The following CSNK2A2IP variants were observed in gnomAD, a reference collection of about 807,000 sequenced individuals.
The protein encoded by CSNK2A2IP is casein kinase 2 subunit alpha' interacting protein.
At chr3:88,401,642 A>G in the CSNK2A2IP span, among the ~76,000 whole-genome samples, 1 of 152,076 alleles carries the variant, frequency 6.6e-6, no homozygotes, top group Non-Finnish European at 1.5e-5. Flanking sequence ...CTAAATGGAG[A>G]GTTAATAAAA....
At chr3:88,396,606 T>C in the CSNK2A2IP span, among the ~76,000 whole-genome samples, 1 of 152,170 alleles carries the variant, frequency 6.6e-6, no homozygotes, top group African/African-American at 2.4e-5. Flanking sequence ...AGTGAGGTTA[T>C]GGTTCTGAGA....
At chr3:88,388,094 A>AT in the CSNK2A2IP span, among the ~76,000 whole-genome samples, 2 of 151,646 alleles carry the variant, frequency 1.3e-5, no homozygotes, top group South Asian at 2.1e-4. Flanking sequence ...AGAACTCTTT[A>AT]TTTTTTCTTT....
chr3:88,385,657 A>G, the CSNK2A2IP span, among the ~76,000 whole-genome samples: 1 of 152,212 alleles, frequency 6.6e-6, no homozygotes, highest in Non-Finnish European at 1.5e-5. Context: ...GAAAGGGAGA[A>G]ATTGGTAAAG....
the CSNK2A2IP span, among the ~76,000 whole-genome samples, chr3:88,418,386 TC>T: frequency 6.6e-6 from 1 of 152,130 alleles, no homozygotes; most frequent in African/African-American, 2.4e-5. Context: ...ATTAGGACTG[TC>T]TTTATGCTAC....
chr3:88,353,812 G>A, the CSNK2A2IP span, among the ~76,000 whole-genome samples: 1 of 152,120 alleles, frequency 6.6e-6, no homozygotes, highest in Non-Finnish European at 1.5e-5. Context: ...GCCTTGAGTT[G>A]AAATCTTGAC....
At chr3:88,452,313 A>C in the CSNK2A2IP span, among the ~76,000 whole-genome samples, 2 of 152,112 alleles carry the variant, frequency 1.3e-5, no homozygotes, top group Admixed American at 1.3e-4. Context: ...AAAAGCGAAA[A>C]AATTATACAG....
chr3:88,393,461 C>T, the CSNK2A2IP span, among the ~76,000 whole-genome samples: 838 of 151,954 alleles, frequency 5.5e-3, 4 homozygotes, highest in African/African-American at 0.02. Context: ...TATAAACAGA[C>T]GTGAAGTTGA....
At chr3:88,448,389 C>T in the CSNK2A2IP span, among the ~76,000 whole-genome samples, 3 of 152,086 alleles carry the variant, frequency 2.0e-5, no homozygotes, top group African/African-American at 7.2e-5. Context: ...GTATTTATAC[C>T]TTTATCTCTA....
the CSNK2A2IP span, among the ~76,000 whole-genome samples, chr3:88,433,926 T>C: frequency 1.3e-5 from 2 of 152,168 alleles, no homozygotes; most frequent in African/African-American, 4.8e-5. Context: ...AAATCTTAGT[T>C]TGTGATCAGG....
the CSNK2A2IP span, among the ~76,000 whole-genome samples, chr3:88,405,225 C>A: frequency 6.6e-6 from 1 of 152,090 alleles, no homozygotes; most frequent in Non-Finnish European, 1.5e-5. Flanking sequence ...CCATGTTCCC[C>A]CAACTCTTTG....
At chr3:88,412,124 C>T in the CSNK2A2IP span, among the ~76,000 whole-genome samples, 1 of 151,776 alleles carries the variant, frequency 6.6e-6, no homozygotes, top group African/African-American at 2.4e-5. Context: ...ATGATAGGTA[C>T]TCACTTTATT....
the CSNK2A2IP span, among the ~76,000 whole-genome samples, chr3:88,401,924 A>T: frequency 2.0e-5 from 3 of 152,048 alleles, no homozygotes; most frequent in East Asian, 5.8e-4. Context: ...TGATTTATTA[A>T]GTGAGCTCTT....
At chr3:88,414,459 T>A in the CSNK2A2IP span, among the ~76,000 whole-genome samples, 1 of 151,522 alleles carries the variant, frequency 6.6e-6, no homozygotes, top group Admixed American at 6.6e-5. Context: ...ATTTTAGTAA[T>A]TTTAGTAGAG....
chr3:88,376,930 T>C, the CSNK2A2IP span, among the ~76,000 whole-genome samples: 1 of 151,880 alleles, frequency 6.6e-6, no homozygotes, highest in East Asian at 1.9e-4. Flanking sequence ...TGTAAGTTGG[T>C]TTCTATGATA....
chr3:88,417,031 AT>A, the CSNK2A2IP span, among the ~76,000 whole-genome samples: 1 of 151,474 alleles, frequency 6.6e-6, no homozygotes, highest in Admixed American at 6.6e-5. Context: ...TCAAATAAAT[AT>A]TTTTCTTGCA....
chr3:88,416,551 G>T, the CSNK2A2IP span, among the ~76,000 whole-genome samples: 1 of 152,116 alleles, frequency 6.6e-6, no homozygotes, highest in African/African-American at 2.4e-5. Flanking sequence ...CATTGTTATA[G>T]CTTTGAGGCT....
chr3:88,391,633 T>TCC, the CSNK2A2IP span, among the ~76,000 whole-genome samples: 1 of 152,038 alleles, frequency 6.6e-6, no homozygotes, highest in Non-Finnish European at 1.5e-5. Context: ...AAAGAAAACA[T>TCC]ACTCTAGGCA....
the CSNK2A2IP span, among the ~76,000 whole-genome samples, chr3:88,463,973 A>G: frequency 7.9e-5 from 12 of 151,080 alleles, no homozygotes; most frequent in South Asian, 2.1e-4. Context: ...TATGCATGAT[A>G]ATAATAATAA....
At chr3:88,362,929 C>A in the CSNK2A2IP span, among the ~76,000 whole-genome samples, 2 of 152,164 alleles carry the variant, frequency 1.3e-5, no homozygotes, top group Admixed American at 6.5e-5. Context: ...GATACCCACA[C>A]TCCTGCGGCC....
Sources: gnomAD v4.1 joint callset for allele counts (sites outside exome capture counted in the v4.1 genomes callset) on GRCh38, gnomAD v4.1.1 for gene constraint, MANE v1.5 for transcripts, NCBI Gene and HGNC (gene_info 2026-07-23, HGNC 2026-07-21) for gene names.